PDE4D: variants seen among roughly 807,000 people sequenced by gnomAD.
PDE4D encodes the protein phosphodiesterase 4D.
PDE4D carries 24 observed loss-of-function variants against 87.4 expected under a neutral mutation model. The ratio of observed to expected loss-of-function variants is 0.27; its 90% confidence interval spans 0.20 to 0.39. The LOEUF (loss-of-function observed/expected upper bound fraction) is 0.39, where lower values mean the gene tolerates loss of function less well. Ranked by LOEUF, PDE4D falls within the 10% of genes least tolerant of loss-of-function variation. The pLI is 1.00. For synonymous variants in PDE4D, 384 were observed against 383.2 expected, an observed-to-expected ratio of 1.00 and a Z score of -0.02; for missense variants, 714 against 1,041.0, an observed-to-expected ratio of 0.69 and a Z score of 4.32.
rs535844847 is a variant in PDE4D, at chr5:59,760,052, C to T, written c.455+133116G>A. Among the ~76,000 whole-genome samples the T allele has an allele frequency of 2.0e-5, 3 of 152,278 alleles. No individual in the cohort carries two copies. In the South Asian group the frequency reaches 6.2e-4, roughly 32 times the overall value. ...TATATGTGTATTTTTACTCTACAAA[C>T]TCTAAGTGGCTGTATTTCTCTTTTA... On this transcript the variant is annotated intron_variant, in intron 1 of 14. Transcript: ENST00000340635.
chr5:59,338,403 A>T (rs1220344302), intron 1 of PDE4D, among the ~76,000 whole-genome samples: 4 of 152,200 alleles, frequency 2.6e-5, no homozygotes, highest in Non-Finnish European at 5.9e-5. Context: ...TGAAAATAGT[A>T]TTCTTGGTGA....
At chr5:59,769,405 A>G (rs1763217504) in intron 1 of PDE4D, among the ~76,000 whole-genome samples, 1 of 152,238 alleles carries the variant, frequency 6.6e-6, no homozygotes. Flanking sequence ...GATAGTTTTC[A>G]TAAGAGTAGT....
chr5:60,437,764 T>G (rs972231765), intron 1 of PDE4D, among the ~76,000 whole-genome samples: 6 of 152,146 alleles, frequency 3.9e-5, no homozygotes, highest in Admixed American at 6.5e-5. Flanking sequence ...ATGGTGAAAG[T>G]CTTTCTTTCT....
chr5:59,044,500 C>T (rs1055852048), intron 5 of PDE4D, among the ~76,000 whole-genome samples: 6 of 152,180 alleles, frequency 3.9e-5, no homozygotes, highest in African/African-American at 4.8e-5. Context: ...ATTTCTGTTT[C>T]ACCGTGTATT....
intron 2 of PDE4D, among the ~76,000 whole-genome samples, chr5:60,123,533 G>A (rs986901441): frequency 1.3e-5 from 2 of 152,164 alleles, no homozygotes; most frequent in South Asian, 4.2e-4. Flanking sequence ...ATGGGGGAAA[G>A]TTTACCCCAT....
intron 1 of PDE4D, among the ~76,000 whole-genome samples, chr5:59,758,109 A>C (rs558789005): frequency 6.6e-6 from 1 of 152,346 alleles, no homozygotes; most frequent in South Asian, 2.1e-4. Flanking sequence ...GTAATGCTGA[A>C]AGAAAGAACA....
chr5:59,528,741 T>G (rs573802613), intron 1 of PDE4D: 38 of 171,122 alleles, frequency 2.2e-4, no homozygotes, highest in African/African-American at 8.8e-4. Flanking sequence ...GAAAGAGATG[T>G]GATGGTATAA....
intron 5 of PDE4D, among the ~76,000 whole-genome samples, chr5:59,156,316 A>AT (rs1554082861): frequency 4.4e-5 from 1 of 22,608 alleles, no homozygotes; most frequent in Non-Finnish European, 1.1e-4. Context: ...CCAGAAAAAA[A>AT]AAAAATATAT....
At chr5:60,286,589 C>T (rs1562289936) in intron 1 of PDE4D, among the ~76,000 whole-genome samples, 1 of 152,168 alleles carries the variant, frequency 6.6e-6, no homozygotes, top group Non-Finnish European at 1.5e-5. Flanking sequence ...GCCCATTACA[C>T]CGACTACCAT....
intron 1 of PDE4D, among the ~76,000 whole-genome samples, chr5:59,583,214 T>G (rs1195161750): frequency 6.6e-6 from 1 of 152,228 alleles, no homozygotes; most frequent in Non-Finnish European, 1.5e-5. Flanking sequence ...GGCAAAAAGC[T>G]GAACATGTTA....
intron 1 of PDE4D, among the ~76,000 whole-genome samples, chr5:59,855,322 A>G (rs10076058): frequency 0.093 from 14,094 of 152,186 alleles, 2,014 homozygotes; most frequent in African/African-American, 0.31. Flanking sequence ...CCTAAAACAA[A>G]GTCAAACTTC....
At chr5:59,430,950 A>G (rs1326723005) in intron 1 of PDE4D, among the ~76,000 whole-genome samples, 2 of 152,170 alleles carry the variant, frequency 1.3e-5, no homozygotes, top group Non-Finnish European at 2.9e-5. Flanking sequence ...GTATATGGAA[A>G]TGTTATGGGC....
intron 4 of PDE4D, among the ~76,000 whole-genome samples, chr5:59,182,245 T>C (rs1343989776): frequency 7.0e-6 from 1 of 142,796 alleles, no homozygotes; most frequent in Admixed American, 7.4e-5. Flanking sequence ...ATTATCTTCT[T>C]CTTCTTAAAT....
At chr5:60,273,696 C>T (rs12515974) in intron 1 of PDE4D, among the ~76,000 whole-genome samples, 114,748 of 152,030 alleles carry the variant, frequency 0.75, 44,644 homozygotes, top group African/African-American at 0.93. Context: ...ATCCTAACAA[C>T]AAGTTCCATT....
At chr5:59,026,326 T>C (rs1312083717) in intron 6 of PDE4D, among the ~76,000 whole-genome samples, 1 of 152,150 alleles carries the variant, frequency 6.6e-6, no homozygotes, top group Non-Finnish European at 1.5e-5. Flanking sequence ...AGGATTCCTG[T>C]CACTGAAAGA....
intron 1 of PDE4D, among the ~76,000 whole-genome samples, chr5:59,567,682 T>A (rs528702239): frequency 2.0e-5 from 3 of 152,302 alleles, no homozygotes; most frequent in African/African-American, 7.2e-5. Flanking sequence ...CTTATATTTA[T>A]GTATTTCAAC....
At chr5:59,524,803 G>A (rs967834314) in intron 1 of PDE4D, among the ~76,000 whole-genome samples, 3 of 152,186 alleles carry the variant, frequency 2.0e-5, no homozygotes, top group Non-Finnish European at 2.9e-5. Context: ...TGGCTAAAAG[G>A]GGCCAACATA....
At chr5:60,302,448 A>G (rs1214386290) in intron 1 of PDE4D, among the ~76,000 whole-genome samples, 1 of 152,158 alleles carries the variant, frequency 6.6e-6, no homozygotes, top group East Asian at 1.9e-4. Flanking sequence ...TTTCCAATAT[A>G]TATACATAGA....
intron 1 of PDE4D, among the ~76,000 whole-genome samples, chr5:59,782,094 T>C (rs1764697385): frequency 6.6e-6 from 1 of 152,186 alleles, no homozygotes; most frequent in South Asian, 2.1e-4. Context: ...TTTAGATAAT[T>C]GATGCATTAA....
Sources: allele counts gnomAD v4.1 joint callset (sites outside exome capture counted in the v4.1 genomes callset), GRCh38; gene constraint gnomAD v4.1.1; transcripts MANE v1.5; gene names NCBI Gene and HGNC (gene_info 2026-07-23, HGNC 2026-07-21).